The following ANKAR variants were observed in gnomAD, a reference collection of about 807,000 sequenced individuals.
The protein encoded by ANKAR is ankyrin and armadillo repeat-containing protein.
Under a neutral mutation model 146.2 loss-of-function variants are expected in ANKAR, and 136 were observed. The observed-to-expected ratio is 0.93, with a 90% CI of 0.81 to 1.07. The LOEUF (loss-of-function observed/expected upper bound fraction) is 1.07, where lower values mean the gene tolerates loss of function less well. Among genes scored for constraint, ANKAR ranks in the 50% least tolerant of loss-of-function variants. The pLI, the probability that ANKAR is intolerant of heterozygous loss-of-function variation, is 0.00. For synonymous variants in ANKAR, 500 were observed against 575.8 expected, an observed-to-expected ratio of 0.87 and a Z score of 1.88; for missense variants, 1,567 against 1,679.9, an observed-to-expected ratio of 0.93 and a Z score of 1.18.
intron 9 of ANKAR, among the ~76,000 whole-genome samples, chr2:189,709,950 G>C (rs1217779784): frequency 2.0e-5 from 3 of 152,156 alleles, no homozygotes; most frequent in Non-Finnish European, 2.9e-5. Flanking sequence ...CATTGTGGGG[G>C]AAGTCCTGAC....
intron 2 of ANKAR, among the ~76,000 whole-genome samples, chr2:189,687,079 TA>T: frequency 1.3e-5 from 2 of 152,316 alleles, no homozygotes; most frequent in African/African-American, 4.8e-5. Flanking sequence ...TATCTAACTA[TA>T]TTTTTGTATC....
At chr2:189,728,561 C>T (rs2042102594) in intron 14 of ANKAR, 99 bp from the exon 15 acceptor site, 2 of 1,499,746 alleles carry the variant, frequency 1.3e-6, no homozygotes, top group South Asian at 1.3e-5. Flanking sequence ...CCTCAGCCTC[C>T]CAAGTAGCTG....
intron 18 of ANKAR, chr2:189,753,239 C>T (rs1484105507): frequency 4.3e-6 from 1 of 230,186 alleles, no homozygotes; most frequent in Non-Finnish European, 8.4e-6. Flanking sequence ...AATATAATTT[C>T]AATCATAGTA....
Position 189,689,420 on chromosome 2 carries a change from G to A in ANKAR, c.602-107G>A, listed in dbSNP as rs6709840. On this transcript the variant is annotated intron_variant, in intron 2 of 22. Coordinates refer to ENST00000684021, the MANE Select transcript of ANKAR (RefSeq NM_001378068.1). ...AGCATCTAATTTTTCCTTTACTGTC[G>A]TGATAGTAGGATTTCATGATAAAAT... 7.4e-3 allele frequency: 6,974 copies of A among 941,680 alleles called. 304 individuals are homozygous for A. In the African/African-American group the frequency reaches 0.098, roughly 13 times the overall value. 58.3% of individuals were successfully genotyped at this position (941,680 alleles called of 1,614,324 possible). A position where few individuals can be genotyped will look rare whatever the true frequency, so the allele number is the denominator to read the frequency against.
intron 20 of ANKAR, among the ~76,000 whole-genome samples, chr2:189,741,944 T>A (rs2043375765): frequency 6.6e-6 from 1 of 152,210 alleles, no homozygotes; most frequent in Admixed American, 6.5e-5. Context: ...AACCGGTGAC[T>A]CTGATCTAAG....
At chr2:189,755,056 C>T in intron 18 of ANKAR, 3 of 1,235,266 alleles carry the variant, frequency 2.4e-6, no homozygotes, top group Non-Finnish European at 2.2e-6. Flanking sequence ...GAATTTTTTT[C>T]AGTTTACTAA....
At chr2:189,755,398 T>C in intron 18 of ANKAR, 1 of 1,612,998 alleles carries the variant, frequency 6.2e-7, no homozygotes, top group Non-Finnish European at 8.5e-7. Context: ...AGCTAAATGA[T>C]AAGCCCACTC....
At chr2:189,688,846 G>A (rs561283629) in intron 2 of ANKAR, among the ~76,000 whole-genome samples, 2 of 152,276 alleles carry the variant, frequency 1.3e-5, no homozygotes, top group African/African-American at 2.4e-5. Flanking sequence ...GCATTCACGT[G>A]TACAGCCTCT....
At chr2:189,753,553 G>T (rs1460275191) in intron 18 of ANKAR, among the ~76,000 whole-genome samples, 1 of 151,812 alleles carries the variant, frequency 6.6e-6, no homozygotes, top group African/African-American at 2.4e-5. Flanking sequence ...AATTTGACTG[G>T]CTTATTAAAA....
rs551349252 is a variant in ANKAR, at chr2:189,704,842, G to T, written c.1709-181G>T. 5.3e-5 allele frequency among the ~76,000 whole-genome samples: 8 copies of T among 150,628 alleles called. 1 individual carries two copies. In the East Asian group the frequency reaches 1.6e-3, roughly 29 times the overall value. ...CCAAGTATGGATTTTTAGTGGTTGGGATTTTTAATCCTGAGTTAAATAAAG... is the reference window on the plus strand; with the variant it reads ...CCAAGTATGGATTTTTAGTGGTTGGTATTTTTAATCCTGAGTTAAATAAAG... On this transcript the variant is annotated intron_variant, in intron 7 of 22. Transcript: ENST00000684021.
downstream of ANKAR, among the ~76,000 whole-genome samples, chr2:189,747,830 C>T (rs889144925): frequency 7.9e-5 from 12 of 152,108 alleles, no homozygotes; most frequent in African/African-American, 1.2e-4. Context: ...CGGTTACAGG[C>T]GCCTGCCACC....
intron 17 of ANKAR, among the ~76,000 whole-genome samples, chr2:189,736,481 G>T (rs1167938133): frequency 3.6e-5 from 3 of 83,526 alleles, no homozygotes; most frequent in Admixed American, 1.4e-4. Context: ...CTTTCTTTTT[G>T]CCTATTTAGG....
downstream of ANKAR, chr2:189,747,417 A>C (rs1407759006): frequency 6.6e-6 from 1 of 152,036 alleles, no homozygotes; most frequent in Non-Finnish European, 1.5e-5. Context: ...ATAAAACAAA[A>C]ATTTTTTAAA....
Position 189,711,166 on chromosome 2 carries a change from C to CT in ANKAR, c.2224+14dup, listed in dbSNP as rs781269706. ...ATTTTGGATGCAGGTGATGCAAACTCTATTAATAACTTTTTATGCTATTTT... is the reference window on the plus strand; with the variant it reads ...ATTTTGGATGCAGGTGATGCAAACTCTTATTAATAACTTTTTATGCTATTTT... On this transcript the variant is annotated intron_variant, in intron 10 of 22. Coordinates refer to ENST00000684021, the MANE Select transcript of ANKAR (RefSeq NM_001378068.1). 5.7e-6 allele frequency: 9 copies of CT among 1,567,146 alleles called. No homozygotes were observed. In the South Asian group the frequency reaches 1.0e-4, roughly 18 times the overall value.
downstream of ANKAR, among the ~76,000 whole-genome samples, chr2:189,749,244 TAAAA>T (rs397987026): frequency 4.7e-5 from 3 of 63,254 alleles, no homozygotes; most frequent in Non-Finnish European, 8.0e-5. Context: ...AGACTCTGTC[TAAAA>T]AAAAAAAAAA....
chr2:189,754,906 A>G (rs1056134744), intron 18 of ANKAR: 5 of 422,948 alleles, frequency 1.2e-5, no homozygotes, highest in African/African-American at 6.3e-5. Flanking sequence ...TTTCACATAC[A>G]TTATTTGGCA....
rs891575195 is a variant in ANKAR, at chr2:189,700,221, T to C, written c.1708+3852T>C. ...TTATTCCTCATTCACTTTTGAAGGA[T>C]AATCTTACAGGTTACAGAATTCTAG... On this transcript the variant is annotated intron_variant, in intron 7 of 22. Transcript: ENST00000684021. Among the ~76,000 whole-genome samples, 6 of 152,282 alleles carry C rather than the reference T, an allele frequency of 3.9e-5. No individual in the cohort carries two copies. The East Asian group carries it at 1.2e-3, about 29-fold the overall frequency.
chr2:189,683,389 G>A (rs2035045123), intron 2 of ANKAR, among the ~76,000 whole-genome samples: 1 of 152,220 alleles, frequency 6.6e-6, no homozygotes, highest in African/African-American at 2.4e-5. Context: ...TCCATCAGGA[G>A]TCTAACAGCA....
At chr2:189,720,844 C>T in intron 12 of ANKAR, 57 bp downstream of exon 12, 1 of 1,332,562 alleles carries the variant, frequency 7.5e-7, no homozygotes, top group Admixed American at 3.0e-5. Context: ...GTGAAGCAAA[C>T]ATGGGATTGG....
Sources: allele counts gnomAD v4.1 joint callset (sites outside exome capture counted in the v4.1 genomes callset), GRCh38; gene constraint gnomAD v4.1.1; transcripts MANE v1.5; gene names NCBI Gene and HGNC (gene_info 2026-07-23, HGNC 2026-07-21).